The following TBC1D22A variants were observed in gnomAD, a reference collection of about 807,000 sequenced individuals.
TBC1D22A encodes putative GTPase activator.
Under a neutral mutation model 60.2 loss-of-function variants are expected in TBC1D22A, and 38 were observed. The observed-to-expected ratio is 0.63, with a 90% CI of 0.49 to 0.83. TBC1D22A has a LOEUF of 0.83. TBC1D22A is among the 40% of genes least tolerant of loss of function. The pLI is 0.00. For missense variants in TBC1D22A, 628 were observed against 701.0 expected (o/e 0.90, Z 1.18); for synonymous variants, 302 against 281.7 (o/e 1.07, Z -0.72).
At chr22:47,168,339 G>A (rs1480896691) in intron 12 of TBC1D22A, among the ~76,000 whole-genome samples, 2 of 148,404 alleles carry the variant, frequency 1.3e-5, no homozygotes, top group South Asian at 2.2e-4. Context: ...CTGTGGGCTC[G>A]GTTTTGGGGA....
In TBC1D22A at chr22:46,950,998, A is replaced by G. The variant is rs200700954; in HGVS notation, c.1016-23292A>G. Among the ~76,000 whole-genome samples, 104 of 152,306 alleles carry G rather than the reference A, an allele frequency of 6.8e-4. 1 individual carries two copies. The East Asian group carries it at 0.017, about 25-fold the overall frequency. On this transcript the variant is annotated intron_variant, in intron 8 of 12. Transcript: ENST00000337137. ...GAAATACGTGTGTGAGTCTGCATCC[A>G]TCCGTAGAAGTGTGTATGCATAGGC...
intron 11 of TBC1D22A, among the ~76,000 whole-genome samples, chr22:47,045,163 T>A (rs550074061): frequency 3.3e-5 from 5 of 152,370 alleles, no homozygotes; most frequent in Non-Finnish European, 7.3e-5. Flanking sequence ...TTATGATAGA[T>A]AAGACCTTTG....
chr22:47,010,484 CTT>C (rs1342699430), intron 10 of TBC1D22A, among the ~76,000 whole-genome samples: 3 of 152,184 alleles, frequency 2.0e-5, no homozygotes, highest in Non-Finnish European at 4.4e-5. Flanking sequence ...TGTGTGTGGA[CTT>C]TCTGGGAGGC....
intron 8 of TBC1D22A, among the ~76,000 whole-genome samples, chr22:46,932,183 T>TA (rs1160801296): frequency 4.6e-5 from 7 of 152,208 alleles, no homozygotes; most frequent in African/African-American, 1.7e-4. Context: ...GACACTGCGC[T>TA]AAGCAGGTCA....
chr22:46,784,447 A>AG, intron 1 of TBC1D22A, among the ~76,000 whole-genome samples: 2 of 152,312 alleles, frequency 1.3e-5, no homozygotes, highest in South Asian at 2.1e-4. Flanking sequence ...AAATATCTTT[A>AG]GTTGTAGTCT....
At chr22:47,014,819 C>A (rs948123440) in intron 10 of TBC1D22A, among the ~76,000 whole-genome samples, 1 of 152,170 alleles carries the variant, frequency 6.6e-6, no homozygotes, top group African/African-American at 2.4e-5. Flanking sequence ...CTGCTCCAGT[C>A]TCTAGCTGTT....
intron 8 of TBC1D22A, among the ~76,000 whole-genome samples, chr22:46,935,307 C>T (rs982526283): frequency 6.6e-6 from 1 of 152,174 alleles, no homozygotes; most frequent in African/African-American, 2.4e-5. Context: ...GTTGAACATT[C>T]AGGACTCTAA....
At chr22:47,055,874 A>AGATACGCCACGGAGGGTCGG (rs1569397708) in intron 11 of TBC1D22A, among the ~76,000 whole-genome samples, 1 of 93,858 alleles carries the variant, frequency 1.1e-5, no homozygotes, top group African/African-American at 3.4e-5. Flanking sequence ...CGGAGGGTTG[A>AGATACGCCACGGAGGGTCGG]TGAGATACGC....
chr22:46,876,148 C>T (rs973407759), intron 4 of TBC1D22A, among the ~76,000 whole-genome samples: 2 of 152,224 alleles, frequency 1.3e-5, no homozygotes, highest in African/African-American at 4.8e-5. Context: ...TACAGTGGAA[C>T]GTAAGTCTTC....
chr22:46,867,075 A>G (rs896071286), intron 4 of TBC1D22A, among the ~76,000 whole-genome samples: 1 of 152,210 alleles, frequency 6.6e-6, no homozygotes, highest in African/African-American at 2.4e-5. Context: ...TCTCAACAAT[A>G]ATAATGTTTA....
intron 4 of TBC1D22A, among the ~76,000 whole-genome samples, chr22:46,829,458 G>A (rs1037547325): frequency 1.3e-5 from 2 of 152,210 alleles, no homozygotes; most frequent in Non-Finnish European, 2.9e-5. Flanking sequence ...TGCTCCTGAA[G>A]TCACCTCTGC....
Position 46,950,526 on chromosome 22 carries a change from G to A in TBC1D22A, c.1016-23764G>A, listed in dbSNP as rs1451997278. ...GACTGTCCTTTAGGGCCGATGGCTG[G>A]ATGGAGGCTTTAGGGCCCACTGGTT... On this transcript the variant is annotated intron_variant, in intron 8 of 12. Coordinates refer to ENST00000337137, the MANE Select transcript of TBC1D22A (RefSeq NM_014346.5). Among the ~76,000 whole-genome samples the A allele has an allele frequency of 1.9e-4, 29 of 152,320 alleles. 2 individuals are homozygous for A. The highest frequency in any genetic ancestry group is 1.9e-3 in the Admixed American group (29 of 15,308).
At chr22:46,901,552 C>T (rs1039029160) in intron 7 of TBC1D22A, among the ~76,000 whole-genome samples, 12 of 152,264 alleles carry the variant, frequency 7.9e-5, no homozygotes, top group South Asian at 6.2e-4. Context: ...CTGCTCATCG[C>T]GAGAGAGTTC....
chr22:46,941,677 ACGGAATATATATACGCGGATTATATATG>A (rs1569249044), intron 8 of TBC1D22A, among the ~76,000 whole-genome samples: 1 of 146,676 alleles, frequency 6.8e-6, no homozygotes, highest in Non-Finnish European at 1.5e-5. Flanking sequence ...GAATATATAT[ACGGAATATATATACGCGGATTATATATG>A]CGGAATATAT....
intron 1 of TBC1D22A, among the ~76,000 whole-genome samples, chr22:46,778,792 C>A: frequency 6.9e-6 from 1 of 144,300 alleles, no homozygotes; most frequent in African/African-American, 2.6e-5. Context: ...TCCTGTAATC[C>A]CAGCACTCTG....
At chr22:47,047,204 C>G (rs2063061850) in intron 11 of TBC1D22A, among the ~76,000 whole-genome samples, 1 of 152,284 alleles carries the variant, frequency 6.6e-6, no homozygotes, top group South Asian at 2.1e-4. Context: ...CTGTGATATA[C>G]CAAGGCCAGC....
chr22:46,974,625 A>G (rs2074219247), intron 9 of TBC1D22A, among the ~76,000 whole-genome samples: 1 of 152,192 alleles, frequency 6.6e-6, no homozygotes, highest in Admixed American at 6.5e-5. Flanking sequence ...CTGAGGGCCC[A>G]GTGGGAAGGC....
intron 11 of TBC1D22A, among the ~76,000 whole-genome samples, chr22:47,087,105 C>T (rs995488815): frequency 2.0e-5 from 3 of 152,246 alleles, no homozygotes; most frequent in Non-Finnish European, 4.4e-5. Flanking sequence ...CTGTGTGTGT[C>T]ATATCCCATC....
At chr22:47,030,544 C>A (rs2062436782) in intron 10 of TBC1D22A, among the ~76,000 whole-genome samples, 1 of 152,222 alleles carries the variant, frequency 6.6e-6, no homozygotes, top group Admixed American at 6.5e-5. Flanking sequence ...GCCAATATGA[C>A]ACATCTCTTC....
Sources: gnomAD v4.1 joint callset for allele counts (sites outside exome capture counted in the v4.1 genomes callset) on GRCh38, gnomAD v4.1.1 for gene constraint, MANE v1.5 for transcripts, NCBI Gene and HGNC (gene_info 2026-07-23, HGNC 2026-07-21) for gene names.